The following COL4A5 variants were observed in gnomAD, a reference collection of about 807,000 sequenced individuals.
COL4A5 encodes collagen alpha-5(IV) chain.
COL4A5 carries 26 observed loss-of-function variants against 130.2 expected under a neutral mutation model. That is an observed-to-expected ratio of 0.20 (90% CI 0.15 to 0.28). COL4A5 has a LOEUF of 0.28. Among genes scored for constraint, COL4A5 ranks in the 10% least tolerant of loss-of-function variants. COL4A5 has a pLI of 1.00. For missense variants in COL4A5, 1,131 were observed against 1,344.3 expected (o/e 0.84, Z 2.48); for synonymous variants, 496 against 439.6 (o/e 1.13, Z -1.60).
chrX:108,495,505 AC>A (rs1182723510), intron 1 of COL4A5, among the ~76,000 whole-genome samples: 2 of 110,315 alleles, frequency 1.8e-5, no homozygotes, highest in Non-Finnish European at 3.8e-5. Flanking sequence ...GTTCAATAAA[AC>A]CCCCCCAAAT....
At chrX:108,649,546 G>C (rs1040217234) in intron 36 of COL4A5, among the ~76,000 whole-genome samples, 1 of 112,000 alleles carries the variant, frequency 8.9e-6, no homozygotes, top group Non-Finnish European at 1.9e-5. Flanking sequence ...CATGGTACTG[G>C]TATAAAAATA....
intron 36 of COL4A5, among the ~76,000 whole-genome samples, chrX:108,644,583 C>T (rs1330178347): frequency 2.7e-5 from 3 of 111,734 alleles, no homozygotes; most frequent in Non-Finnish European, 3.8e-5. Flanking sequence ...CAAAAGGAAT[C>T]TGCAAATACA....
chrX:108,542,065 A>G (rs186500221), intron 2 of COL4A5, among the ~76,000 whole-genome samples: 31 of 112,289 alleles, frequency 2.8e-4, no homozygotes, highest in African/African-American at 1.0e-3. Context: ...ATGCGTGACC[A>G]AATAAGGAAT....
chrX:108,553,318 T>G (rs2147706527), intron 2 of COL4A5, among the ~76,000 whole-genome samples: 1 of 111,746 alleles, frequency 8.9e-6, no homozygotes, highest in South Asian at 3.7e-4. Context: ...GCAGGAAAAA[T>G]AATATTTGCA....
Position 108,578,098 on chromosome X carries a change from C to G in COL4A5, c.666C>G (p.Phe222Leu). The part of the protein sequence containing the change: ...PGPKGNMGLN[F>L]QGPKGEKGEQ... ...TCCAGGGGAATATGGGCTTAAATTT[C>G]CAGGGACCCAAAGGTGAAAAAGTGA... Residue 222 changes from phenylalanine to leucine, a missense_variant, in exon 12 of 53, where the codon TTC becomes TTG. By Grantham distance (22) the Phe-to-Leu change is conservative (BLOSUM62 0). Coordinates refer to ENST00000328300, the MANE Select transcript of COL4A5 (RefSeq NM_033380.3). 1 of 1,210,423 alleles carries G rather than the reference C, an allele frequency of 8.3e-7. No individual in the cohort carries two copies. The highest frequency in any genetic ancestry group is 1.1e-6 in the Non-Finnish European group (1 of 894,732).
chrX:108,466,792 T>A (rs1363282514), intron 1 of COL4A5, among the ~76,000 whole-genome samples: 2 of 109,506 alleles, frequency 1.8e-5, no homozygotes, highest in Non-Finnish European at 3.8e-5. Context: ...CTTTTAGAAA[T>A]GGGGTCTTGC....
rs184379179 is a variant in COL4A5, at chrX:108,552,875, A to G, written c.142-6189A>G. Among the ~76,000 whole-genome samples the G allele has an allele frequency of 3.0e-3, 342 of 112,331 alleles. 1 individual carries two copies. Among genetic ancestry groups the G allele is most frequent in the African/African-American group, 0.011 (331 of 30,966 alleles). ...ACAGTACACAATTCCAAGACTTAGT[A>G]TAAAACCACAGTAAACAAGATAGTG... On this transcript the variant is annotated intron_variant, in intron 2 of 52. Coordinates refer to ENST00000328300, the MANE Select transcript of COL4A5 (RefSeq NM_033380.3).
At position 108,681,860 on chromosome X, in the gene COL4A5, A is replaced by G; in HGVS notation, c.4188A>G (p.Pro1396=). Residue 1396 remains proline (P), a synonymous_variant, in exon 47 of 53, where the codon CCA becomes CCG. Coordinates refer to ENST00000328300, the MANE Select transcript of COL4A5 (RefSeq NM_033380.3). ...IPGQPGLKGL[P]GPQGPQGLPG... ...GCCAGCCTGGGCTAAAGGGTCTACC[A>G]GGACCCCAAGGACCTCAAGGCTTAC... is the stretch of plus-strand genomic sequence containing the variant. 8.3e-7 allele frequency: 1 copy of G among 1,209,306 alleles called. No homozygotes were observed. Among genetic ancestry groups the G allele is most frequent in the Non-Finnish European group, 1.1e-6 (1 of 894,050 alleles).
At chrX:108,529,164 G>A (rs1217250017) in intron 1 of COL4A5, among the ~76,000 whole-genome samples, 1 of 111,485 alleles carries the variant, frequency 9.0e-6, no homozygotes, top group Non-Finnish European at 1.9e-5. Context: ...AAATATATTC[G>A]AAGTGCTGAA....
chrX:108,578,242 T>G (rs1407022356), intron 12 of COL4A5, 49 bp from the exon 13 acceptor site: 19 of 1,125,923 alleles, frequency 1.7e-5, no homozygotes, highest in Non-Finnish European at 2.3e-5. Context: ...TATTACTGTC[T>G]GTGGAGATTA....
chrX:108,642,842 C>G (rs1391789731), intron 36 of COL4A5, among the ~76,000 whole-genome samples: 4 of 95,781 alleles, frequency 4.2e-5, no homozygotes, highest in Non-Finnish European at 8.0e-5. Flanking sequence ...TAACACTCCC[C>G]CTCTCCAAAA....
At chrX:108,695,749 AATTG>A (rs1445830972) in intron 52 of COL4A5, 4 of 294,692 alleles carry the variant, frequency 1.4e-5, no homozygotes, top group African/African-American at 8.2e-5. Flanking sequence ...CCACCCCAGG[AATTG>A]AAGTTACAGT....
chrX:108,632,753 G>A (rs982140275), intron 36 of COL4A5, among the ~76,000 whole-genome samples: 1 of 111,708 alleles, frequency 9.0e-6, no homozygotes. Flanking sequence ...TCAATAGATG[G>A]AGAAAACACC....
chrX:108,696,779 C>T lies in COL4A5; in HGVS notation c.*401C>T. The T allele has an allele frequency of 8.1e-6, 1 of 123,707 alleles. No homozygotes were observed. The highest frequency in any genetic ancestry group is 4.1e-3 in the Middle Eastern group (1 of 241). 10.2% of individuals were successfully genotyped at this position (123,707 alleles called of 1,213,427 possible). ...ATTATTTTTCACGGTGCTACTAATC[C>T]TGCTGTATCCCGGGTTTTTAATATA... is the stretch of plus-strand genomic sequence containing the variant. On this transcript the variant is annotated 3_prime_UTR_variant, in exon 53 of 53. Coordinates refer to ENST00000328300, the MANE Select transcript of COL4A5 (RefSeq NM_033380.3).
chrX:108,464,040 C>A (rs977088792), intron 1 of COL4A5, among the ~76,000 whole-genome samples: 4 of 111,715 alleles, frequency 3.6e-5, no homozygotes, highest in Non-Finnish European at 7.5e-5. Context: ...GACTCTTCCA[C>A]CTACCAATTG....
chrX:108,612,433 A>C (rs183870893), intron 29 of COL4A5, among the ~76,000 whole-genome samples: 1 of 111,724 alleles, frequency 9.0e-6, no homozygotes, highest in African/African-American at 3.2e-5. Context: ...ACTAGAACTA[A>C]AAGGTGAATT....
At chrX:108,685,659 A>G (rs1392064902) in intron 47 of COL4A5, among the ~76,000 whole-genome samples, 11 of 111,949 alleles carry the variant, frequency 9.8e-5, no homozygotes, top group Admixed American at 9.5e-5. Flanking sequence ...TATAAAAGAA[A>G]ACTAGAACTA....
chrX:108,530,720 G>C (rs1171938042), intron 1 of COL4A5, among the ~76,000 whole-genome samples: 1 of 93,955 alleles, frequency 1.1e-5, no homozygotes, highest in Non-Finnish European at 2.1e-5. Context: ...GTGCTGGAGA[G>C]GATGTGGAGA....
chrX:108,678,690 A>T, intron 44 of COL4A5, among the ~76,000 whole-genome samples: 1 of 111,184 alleles, frequency 9.0e-6, no homozygotes, highest in East Asian at 2.8e-4. Context: ...ACATAGCAAG[A>T]CCCTGTCTCT....
Sources: allele counts gnomAD v4.1 joint callset (sites outside exome capture counted in the v4.1 genomes callset), GRCh38; gene constraint gnomAD v4.1.1; transcripts MANE v1.5; gene names NCBI Gene and HGNC (gene_info 2026-07-23, HGNC 2026-07-21).